USP34: variants seen among roughly 807,000 people sequenced by gnomAD.
The protein encoded by USP34 is ubiquitin carboxyl-terminal hydrolase 34.
In USP34, 70 loss-of-function variants were observed where a neutral mutation model predicts 460.3. The ratio of observed to expected loss-of-function variants is 0.15; its 90% CI spans 0.13 to 0.19. USP34 has a LOEUF of 0.19. Among genes scored for constraint, USP34 ranks in the 10% least tolerant of loss-of-function variants. The pLI, the probability that USP34 is intolerant of heterozygous loss-of-function variation, is 1.00. For missense variants in USP34, 3,985 were observed against 4,236.2 expected (o/e 0.94, Z 1.65); for synonymous variants, 1,647 against 1,405.3 (o/e 1.17, Z -3.85).
chr2:61,304,476 GTGA>G (rs1408521504), intron 27 of USP34, among the ~76,000 whole-genome samples: 1 of 152,194 alleles, frequency 6.6e-6, no homozygotes, highest in South Asian at 2.1e-4. Context: ...AATTACCAAG[GTGA>G]TGATATTTGG....
At chr2:61,423,441 TA>T (rs899445126) in intron 1 of USP34, among the ~76,000 whole-genome samples, 102 of 151,890 alleles carry the variant, frequency 6.7e-4, no homozygotes, top group African/African-American at 2.4e-3. Flanking sequence ...AAGGAAATAT[TA>T]AAAAAAATCC....
chr2:61,336,146 ATTT>A (rs5831605), intron 18 of USP34, among the ~76,000 whole-genome samples: 3 of 145,326 alleles, frequency 2.1e-5, no homozygotes, highest in South Asian at 2.2e-4. Flanking sequence ...TGTCCGCACA[ATTT>A]TTTTTTTTTT....
chr2:61,247,076 A>G (rs1688435708), intron 49 of USP34, among the ~76,000 whole-genome samples: 1 of 152,234 alleles, frequency 6.6e-6, no homozygotes, highest in Non-Finnish European at 1.5e-5. Flanking sequence ...TTGTGTAGAC[A>G]GAAACAAAAT....
chr2:61,294,930 A>G lies in USP34; in HGVS notation c.4461+19T>C. The G allele has an allele frequency of 6.3e-7, 1 of 1,589,902 alleles. No individual in the cohort carries two copies. The highest frequency in any genetic ancestry group is 2.2e-5 in the East Asian group (1 of 44,572). ...TAAATTATTTTTATCAATACATTGAAAAACACATATGATCAAACCTTGCAA... is the reference window on the plus strand; with the variant it reads ...TAAATTATTTTTATCAATACATTGAGAAACACATATGATCAAACCTTGCAA... On this transcript the variant is annotated intron_variant, in intron 32 of 79. Coordinates refer to ENST00000398571, the MANE Select transcript of USP34 (RefSeq NM_014709.4).
intron 50 of USP34, 44 bp from the exon 51 acceptor site, chr2:61,245,332 G>C (rs776642265): frequency 1.8e-6 from 2 of 1,114,280 alleles, no homozygotes; most frequent in Non-Finnish European, 2.5e-6. Context: ...CATATAATGA[G>C]TATCTTCATA....
At chr2:61,417,243 G>C (rs1452179963) in intron 2 of USP34, 1 of 1,357,426 alleles carries the variant, frequency 7.4e-7, no homozygotes, top group African/African-American at 1.4e-5. Flanking sequence ...ACATCTGAAA[G>C]GCCTGTCTCC....
At chr2:61,239,300 T>TCACTCA (rs1553355588) in intron 53 of USP34, among the ~76,000 whole-genome samples, 3,085 of 132,790 alleles carry the variant, frequency 0.023, 57 homozygotes, top group East Asian at 0.051. Flanking sequence ...GAGGGCCCTG[T>TCACTCA]CACACACACA....
intron 50 of USP34, among the ~76,000 whole-genome samples, chr2:61,245,502 T>C (rs1209765471): frequency 2.0e-5 from 3 of 151,742 alleles, no homozygotes; most frequent in Non-Finnish European, 2.9e-5. Context: ...GATCCATTTA[T>C]GACCTAGGAT....
chr2:61,194,288 T>G, intron 75 of USP34: 2 of 985,436 alleles, frequency 2.0e-6, no homozygotes, highest in Non-Finnish European at 2.4e-6. Flanking sequence ...CTGGTTGGTG[T>G]TTGGCAGCAT....
intron 1 of USP34, among the ~76,000 whole-genome samples, chr2:61,467,532 A>G (rs1201727724): frequency 1.3e-5 from 2 of 149,316 alleles, no homozygotes; most frequent in Non-Finnish European, 3.0e-5. Flanking sequence ...GCACAATTTT[A>G]TTGCTTCTCT....
At chr2:61,399,535 T>TA (rs1017165939) in intron 3 of USP34, among the ~76,000 whole-genome samples, 11 of 151,216 alleles carry the variant, frequency 7.3e-5, no homozygotes, top group East Asian at 3.9e-4. Context: ...ATCTATAGGT[T>TA]AAAAAAAACA....
At chr2:61,292,601 A>AT (rs1234707975) in intron 33 of USP34, among the ~76,000 whole-genome samples, 1 of 152,188 alleles carries the variant, frequency 6.6e-6, no homozygotes, top group Non-Finnish European at 1.5e-5. Context: ...TAGACATAAG[A>AT]TTACTTGATG....
At chr2:61,371,502 T>G (rs1163354450) in intron 8 of USP34, among the ~76,000 whole-genome samples, 1 of 151,524 alleles carries the variant, frequency 6.6e-6, no homozygotes, top group African/African-American at 2.4e-5. Context: ...GAAAAAATAC[T>G]TTTGTACAGC....
chr2:61,258,843 TA>T (rs1688793772), intron 44 of USP34, among the ~76,000 whole-genome samples: 1 of 152,178 alleles, frequency 6.6e-6, no homozygotes, highest in Non-Finnish European at 1.5e-5. Context: ...GCTGCAAGCA[TA>T]AAAGGGGAGG....
intron 2 of USP34, among the ~76,000 whole-genome samples, chr2:61,412,841 A>G (rs563122423): frequency 3.8e-4 from 57 of 150,908 alleles, no homozygotes; most frequent in African/African-American, 1.2e-3. Flanking sequence ...GTGAGCCATC[A>G]TAACGCCACT....
chr2:61,378,913 G>GAAAAAACAA (rs1692879663), intron 7 of USP34, among the ~76,000 whole-genome samples: 1 of 57,872 alleles, frequency 1.7e-5, no homozygotes, highest in Non-Finnish European at 2.8e-5. Flanking sequence ...TCAAAAAAAC[G>GAAAAAACAA]AAAAAAAAAA....
At chr2:61,306,422 G>C (rs11694516) in intron 27 of USP34, among the ~76,000 whole-genome samples, 51,534 of 151,958 alleles carry the variant, frequency 0.34, 8,776 homozygotes, top group South Asian at 0.38. Context: ...CTGTTCCACT[G>C]GTCTATATCT....
intron 1 of USP34, among the ~76,000 whole-genome samples, chr2:61,421,083 C>T (rs1314776206): frequency 1.3e-5 from 2 of 152,188 alleles, no homozygotes; most frequent in African/African-American, 4.8e-5. Context: ...ATCTCCAAAA[C>T]CAGCCTTCCG....
At chr2:61,458,420 G>A (rs1397918257) in intron 1 of USP34, among the ~76,000 whole-genome samples, 1 of 151,734 alleles carries the variant, frequency 6.6e-6, no homozygotes, top group Non-Finnish European at 1.5e-5. Context: ...AATTAGCCGG[G>A]CGTGGTGGCG....
Sources: gnomAD v4.1 joint callset for allele counts (sites outside exome capture counted in the v4.1 genomes callset) on GRCh38, gnomAD v4.1.1 for gene constraint, MANE v1.5 for transcripts, NCBI Gene and HGNC (gene_info 2026-07-23, HGNC 2026-07-21) for gene names.